The following LANCL3 variants were observed in gnomAD, a reference collection of about 807,000 sequenced individuals.
LANCL3 encodes LanC like family member 3.
LANCL3 carries 19 observed loss-of-function variants against 26.5 expected under a neutral mutation model. The observed-to-expected ratio is 0.72, with a 90% CI of 0.50 to 1.05. The LOEUF (loss-of-function observed/expected upper bound fraction) is 1.05, where lower values mean the gene tolerates loss of function less well. Among genes scored for constraint, LANCL3 ranks in the 50% least tolerant of loss-of-function variants. The pLI is 0.00. For missense variants in LANCL3, 318 were observed against 362.7 expected (o/e 0.88, Z 1.00); for synonymous variants, 160 against 166.6 (o/e 0.96, Z 0.30).
intron 1 of LANCL3, among the ~76,000 whole-genome samples, chrX:37,627,077 T>C (rs1925336055): frequency 8.9e-6 from 1 of 112,078 alleles, no homozygotes; most frequent in Non-Finnish European, 1.9e-5. Flanking sequence ...TGAGGATGGA[T>C]GCAAAGCCAA....
intron 1 of LANCL3, among the ~76,000 whole-genome samples, chrX:37,590,343 A>G (rs782730898): frequency 1.8e-5 from 2 of 112,892 alleles, no homozygotes; most frequent in South Asian, 3.6e-4. Context: ...CAAATGTTCC[A>G]GGTCATGTAC....
chrX:37,654,177 A>G (rs183766732), intron 1 of LANCL3, among the ~76,000 whole-genome samples: 213 of 112,892 alleles, frequency 1.9e-3, no homozygotes, highest in Non-Finnish European at 2.9e-3. Context: ...GGCAGAATTA[A>G]TTAATGAATG....
chrX:37,620,352 T>C (rs1347194940), intron 1 of LANCL3, among the ~76,000 whole-genome samples: 1 of 112,037 alleles, frequency 8.9e-6, no homozygotes, highest in Non-Finnish European at 1.9e-5. Flanking sequence ...AAGTAACTCT[T>C]AGAGTCTCAG....
chrX:37,635,457 T>A (rs1556425266), intron 1 of LANCL3, among the ~76,000 whole-genome samples: 1 of 111,254 alleles, frequency 9.0e-6, no homozygotes, highest in Non-Finnish European at 1.9e-5. Flanking sequence ...TAACATGTTC[T>A]CCCCCCAAAT....
intron 1 of LANCL3, among the ~76,000 whole-genome samples, chrX:37,653,216 G>A (rs1356594579): frequency 9.0e-6 from 1 of 110,808 alleles, no homozygotes; most frequent in Non-Finnish European, 1.9e-5. Context: ...AAAGAAAGGG[G>A]GAGGGCACCA....
At chrX:37,649,055 A>G (rs1206027755) in intron 1 of LANCL3, among the ~76,000 whole-genome samples, 2 of 111,922 alleles carry the variant, frequency 1.8e-5, no homozygotes, top group Non-Finnish European at 3.8e-5. Flanking sequence ...GTGATTCCTC[A>G]GGGATCTAGA....
chrX:37,655,957 A>G (rs1569469398), intron 2 of LANCL3, 146 bp downstream of exon 2: 1 of 423,870 alleles, frequency 2.4e-6, no homozygotes, highest in Non-Finnish European at 3.9e-6. Context: ...AAAAACCTAT[A>G]CTGATACATA....
chrX:37,619,657 T>C (rs782717487), intron 1 of LANCL3, among the ~76,000 whole-genome samples: 23 of 111,906 alleles, frequency 2.1e-4, no homozygotes, highest in African/African-American at 7.1e-4. Context: ...GAAATACTAG[T>C]TCTTAGTGAC....
Position 37,627,281 on chromosome X carries a change from T to C in LANCL3, c.574-28407T>C, listed in dbSNP as rs148042876. The stretch of plus-strand genomic sequence containing the variant: ...TTCCCACCTCTTCACCTTTTTGGAG[T>C]CACTTTTTCTATTTAAATTACATAG... On this transcript the variant is annotated intron_variant, in intron 1 of 4. Coordinates refer to ENST00000378619, the MANE Select transcript of LANCL3 (RefSeq NM_001170331.2). Among the ~76,000 whole-genome samples the C allele has an allele frequency of 4.3e-3, 486 of 111,893 alleles. 4 individuals are homozygous for C. The highest frequency in any genetic ancestry group is 0.015 in the African/African-American group (468 of 30,820).
intron 1 of LANCL3, among the ~76,000 whole-genome samples, chrX:37,585,751 A>G (rs75465126): frequency 4.5e-5 from 5 of 111,397 alleles, no homozygotes; most frequent in Non-Finnish European, 5.7e-5. Context: ...TCTGTATCCA[A>G]TTTGCCGGTC....
chrX:37,603,630 T>C (rs1556420255), intron 1 of LANCL3, among the ~76,000 whole-genome samples: 5 of 112,650 alleles, frequency 4.4e-5, no homozygotes, highest in Non-Finnish European at 9.4e-5. Context: ...ACATTCTCAT[T>C]GGCAAATCAT....
intron 1 of LANCL3, among the ~76,000 whole-genome samples, chrX:37,620,128 G>A (rs1249462462): frequency 1.8e-5 from 2 of 111,968 alleles, no homozygotes; most frequent in African/African-American, 6.5e-5. Context: ...GCATGAAATG[G>A]GGAAGCCCCC....
intron 1 of LANCL3, among the ~76,000 whole-genome samples, chrX:37,618,957 A>G (rs2208105): frequency 0.28 from 31,232 of 109,825 alleles, 4,297 homozygotes; most frequent in African/African-American, 0.55. Flanking sequence ...CCCTTTTTCT[A>G]AGGCCTTCTC....
intron 3 of LANCL3, among the ~76,000 whole-genome samples, chrX:37,666,112 G>T (rs947739533): frequency 9.0e-6 from 1 of 111,396 alleles, no homozygotes; most frequent in East Asian, 2.8e-4. Context: ...ACTTAAAAAG[G>T]GTATGAAATC....
intron 1 of LANCL3, among the ~76,000 whole-genome samples, chrX:37,596,996 C>A (rs1026468218): frequency 2.7e-5 from 3 of 111,946 alleles, no homozygotes; most frequent in Non-Finnish European, 3.8e-5. Context: ...CAACCCCATC[C>A]CACACTCCTG....
intron 1 of LANCL3, among the ~76,000 whole-genome samples, chrX:37,597,260 G>C (rs1002243966): frequency 1.8e-5 from 2 of 111,894 alleles, no homozygotes; most frequent in Non-Finnish European, 3.8e-5. Context: ...GTTATTTCCA[G>C]TTATTGGCTG....
At chrX:37,639,272 C>T (rs1299766594) in intron 1 of LANCL3, among the ~76,000 whole-genome samples, 1 of 100,678 alleles carries the variant, frequency 9.9e-6, no homozygotes, top group Non-Finnish European at 2.0e-5. Context: ...TATATACATA[C>T]ATGTATATAT....
At chrX:37,638,007 C>G (rs1334180836) in intron 1 of LANCL3, among the ~76,000 whole-genome samples, 1 of 110,309 alleles carries the variant, frequency 9.1e-6, no homozygotes, top group African/African-American at 3.3e-5. Flanking sequence ...CTATTTGATC[C>G]TGTAATGTGA....
intron 1 of LANCL3, among the ~76,000 whole-genome samples, chrX:37,647,390 G>A (rs1324639765): frequency 6.3e-5 from 7 of 111,443 alleles, no homozygotes; most frequent in African/African-American, 1.3e-4. Flanking sequence ...TTGTTCATGC[G>A]TATCAAAAGT....
Sources: gnomAD v4.1 joint callset for allele counts (sites outside exome capture counted in the v4.1 genomes callset) on GRCh38, gnomAD v4.1.1 for gene constraint, MANE v1.5 for transcripts, NCBI Gene and HGNC (gene_info 2026-07-23, HGNC 2026-07-21) for gene names.